Variants in CKAP2 observed in about 807,000 individuals in gnomAD.
CKAP2 encodes the protein cytoskeleton associated protein 2.
A neutral mutation model predicts 58.4 loss-of-function variants in CKAP2; 46 were observed. The observed-to-expected ratio is 0.79, with a 90% confidence interval of 0.62 to 1.01. The LOEUF is 1.01. CKAP2 is among the 50% of genes least tolerant of loss of function. CKAP2 has a pLI of 0.00. For synonymous variants in CKAP2, 293 were observed against 280.9 expected, an observed-to-expected ratio of 1.04 and a Z score of -0.43; for missense variants, 809 against 796.4, an observed-to-expected ratio of 1.02 and a Z score of -0.19.
chr13:52,455,727 C>T (rs1482140124), intron 1 of CKAP2, 101 bp downstream of exon 1: 4 of 1,265,610 alleles, frequency 3.2e-6, no homozygotes, highest in East Asian at 3.1e-5. Flanking sequence ...CTTCACCTCT[C>T]CCCCGCTCTG....
intron 7 of CKAP2, among the ~76,000 whole-genome samples, chr13:52,469,601 T>TTTA (rs1566104141): frequency 1.4e-5 from 2 of 147,108 alleles, no homozygotes; most frequent in African/African-American, 5.1e-5. Context: ...TTATTTATTT[T>TTTA]TTTTTTGAGA....
chr13:52,458,188 G>T (rs9536080), intron 2 of CKAP2, among the ~76,000 whole-genome samples: 3 of 152,086 alleles, frequency 2.0e-5, no homozygotes, highest in Non-Finnish European at 2.9e-5. Context: ...AATGAATGGT[G>T]ATAACCGTAT....
At chr13:52,465,542 A>G (rs1594139173) in intron 6 of CKAP2, 77 bp downstream of exon 6, 6 of 1,308,170 alleles carry the variant, frequency 4.6e-6, no homozygotes, top group Non-Finnish European at 6.5e-6. Context: ...ACATCACAAC[A>G]TAACTTGAGA....
chr13:52,473,064 T>A (rs979313001), intron 7 of CKAP2, among the ~76,000 whole-genome samples: 1 of 150,920 alleles, frequency 6.6e-6, no homozygotes, highest in African/African-American at 2.4e-5. Flanking sequence ...AAAAAAAAAA[T>A]GTTCTCAGAA....
At position 52,475,046 on chromosome 13, in the gene CKAP2, G is replaced by C. The variant is rs753291514; in HGVS notation, c.1954G>C (p.Glu652Gln). The change falls in exon 9 of 9, where the codon GAA becomes CAA. Residue 652 changes from glutamate (E) to glutamine (Q), a missense_variant. Glu to Gln is a conservative substitution (Grantham distance 29, BLOSUM62 2). Around this residue, in one of 3 missense-constraint regions of CKAP2, gnomAD observed 283 missense variants for 287.6 expected, o/e 0.98. Coordinates refer to ENST00000258607, the MANE Select transcript of CKAP2 (RefSeq NM_018204.5). ...TCATTATCCTTGTGTGTCTTCATTG[G>C]AACAGCTAACGGAGTTGGGAAGAGA... Reference protein sequence around the residue: ...KDHYPCVSSLEQLTELGRETD... With the variant: ...KDHYPCVSSLQQLTELGRETD... 1 of 1,614,196 alleles carries C rather than the reference G, an allele frequency of 6.2e-7. No homozygotes were observed. The highest frequency in any genetic ancestry group is 8.5e-7 in the Non-Finnish European group (1 of 1,180,026).
At position 52,475,238 on chromosome 13, in the gene CKAP2, T is replaced by G; in HGVS notation, c.*97T>G. 1 of 1,427,818 alleles carries G rather than the reference T, an allele frequency of 7.0e-7. No individual in the cohort carries two copies. The highest frequency in any genetic ancestry group is 9.5e-7 in the Non-Finnish European group (1 of 1,056,604). 88.4% of individuals were successfully genotyped at this position (1,427,818 alleles called of 1,614,324 possible). On this transcript the variant is annotated 3_prime_UTR_variant, in exon 9 of 9. Transcript: ENST00000258607. ...TTGCTCTTAGGTCTGGAGTTGGCCA[T>G]GTACCTATGTATCCTAAGCATTCAC...
In CKAP2 at chr13:52,461,336, C is replaced by T; in HGVS notation, c.510C>T (p.Pro170=). ...AACAAAAGCAAGATGCTAACATGCC[C>T]AAGAAACCTGTGCTTGGATCTTATC... The part of the protein sequence containing the change: ...TEKQKQDANM[P]KKPVLGSYRG... Residue 170 remains proline, a synonymous_variant, in exon 4 of 9, where the codon CCC becomes CCT. Coordinates refer to ENST00000258607, the MANE Select transcript of CKAP2 (RefSeq NM_018204.5). 1 of 1,614,156 alleles carries T rather than the reference C, an allele frequency of 6.2e-7. No homozygotes were observed. Among genetic ancestry groups the T allele is most frequent in the Non-Finnish European group, 8.5e-7 (1 of 1,180,034 alleles).
chr13:52,466,023 A>G (rs939639859), intron 6 of CKAP2, among the ~76,000 whole-genome samples: 5 of 151,552 alleles, frequency 3.3e-5, no homozygotes, highest in Admixed American at 6.6e-5. Flanking sequence ...ACACATATAT[A>G]CACATATACA....
intron 5 of CKAP2, 99 bp downstream of exon 5, chr13:52,462,666 T>A: frequency 1.1e-6 from 1 of 912,646 alleles, no homozygotes; most frequent in East Asian, 2.6e-5. Flanking sequence ...GACCAGGTGA[T>A]GTTGGTGATA....
intron 2 of CKAP2, among the ~76,000 whole-genome samples, chr13:52,460,042 A>G (rs1566097865): frequency 6.6e-6 from 1 of 151,970 alleles, no homozygotes; most frequent in Non-Finnish European, 1.5e-5. Flanking sequence ...ATTTTTTTGT[A>G]GAGATGGGGT....
At chr13:52,465,577 TAATA>T in intron 6 of CKAP2, 112 bp downstream of exon 6, 1 of 890,126 alleles carries the variant, frequency 1.1e-6, no homozygotes, top group Non-Finnish European at 1.8e-6. Flanking sequence ...TATGTAGTGG[TAATA>T]AATGTTTAAA....
intron 7 of CKAP2, among the ~76,000 whole-genome samples, chr13:52,472,084 T>G (rs1038790072): frequency 1.3e-5 from 2 of 152,220 alleles, no homozygotes; most frequent in Non-Finnish European, 2.9e-5. Context: ...TAATTTCTGC[T>G]TATCCTTTAG....
chr13:52,461,678 T>C lies in CKAP2; in HGVS notation c.852T>C (p.Pro284=), dbSNP rs1359633037. Residue 284 remains proline (P), a synonymous_variant, in exon 4 of 9, where the codon CCT becomes CCC. Coordinates refer to ENST00000258607, the MANE Select transcript of CKAP2 (RefSeq NM_018204.5). ...CCAATGTTACAATCCGGAAAGGGCC[T>C]CATGAAAAAGAACTATTACAATCAA... ...TSANVTIRKG[P]HEKELLQSKT... 1 of 1,614,062 alleles carries C rather than the reference T, an allele frequency of 6.2e-7. No homozygotes were observed. The highest frequency in any genetic ancestry group is 2.2e-5 in the East Asian group (1 of 44,890).
intron 7 of CKAP2, among the ~76,000 whole-genome samples, chr13:52,471,944 CCT>C (rs1297719160): frequency 1.3e-5 from 2 of 152,198 alleles, no homozygotes; most frequent in Non-Finnish European, 2.9e-5. Flanking sequence ...TGCATAAATT[CCT>C]GAGTCCAGCC....
chr13:52,462,584 T>A lies in CKAP2; in HGVS notation c.1305+17T>A, dbSNP rs777459978. On this transcript the variant is annotated intron_variant, in intron 5 of 8. Transcript: ENST00000258607. ...ATTAATGAGGTAGAGTCTTTATATTTGCTTAGCATTTTATAGTTTGCAAAT... is the reference window on the plus strand; with the variant it reads ...ATTAATGAGGTAGAGTCTTTATATTAGCTTAGCATTTTATAGTTTGCAAAT... The A allele has an allele frequency of 6.3e-6, 10 of 1,591,528 alleles. No homozygotes were observed. The highest frequency in any genetic ancestry group is 6.0e-6 in the Non-Finnish European group (7 of 1,168,602).
In CKAP2 at chr13:52,474,996, C is replaced by A. The variant is rs763183159; in HGVS notation, c.1904C>A (p.Ser635Tyr). ...RRSRRLQEKT[S>Y]KLPDMLKDHY... The stretch of plus-strand genomic sequence containing the variant: ...TCTCGACGTCTTCAAGAGAAAACTT[C>A]TAAATTGCCAGATATGTTAAAAGAT... Residue 635 changes from serine to tyrosine, a missense_variant, in exon 9 of 9, where the codon TCT (serine) becomes TAT (tyrosine). This residue lies in a region of CKAP2 where 283 missense variants were observed against 287.6 expected (regional missense o/e 0.98). Coordinates refer to ENST00000258607, the MANE Select transcript of CKAP2 (RefSeq NM_018204.5). The A allele has an allele frequency of 3.7e-6, 6 of 1,614,182 alleles. No individual in the cohort carries two copies. In the South Asian group the frequency reaches 4.4e-5, roughly 12 times the overall value.
rs114935106 is a variant in CKAP2 at position 52,457,045 on chromosome 13, T to C, written c.155+438T>C. Reference sequence around the variant, plus strand: ...ATACCTGGGACTGACTACAGGCAAGTGCCACCATTCCCTGCTAATTTTTGT... The same window carrying C: ...ATACCTGGGACTGACTACAGGCAAGCGCCACCATTCCCTGCTAATTTTTGT... On this transcript the variant is annotated intron_variant, in intron 2 of 8. Transcript: ENST00000258607. 7.4e-3 allele frequency among the ~76,000 whole-genome samples: 1,125 copies of C among 152,144 alleles called. 5 individuals carry two copies. Among genetic ancestry groups the C allele is most frequent in the African/African-American group, 0.017 (701 of 41,528 alleles).
Position 52,455,484 on chromosome 13 carries a change from T to C in CKAP2, c.-73T>C, listed in dbSNP as rs1958459477. 1 of 1,566,210 alleles carries C rather than the reference T, an allele frequency of 6.4e-7. No individual in the cohort carries two copies. Among genetic ancestry groups the C allele is most frequent in the Non-Finnish European group, 8.8e-7 (1 of 1,137,870 alleles). ...CTGACGGCTTAGCCGCGGTGCAGACTGCGGCGGCGGTGGTCTGAGGAAGTT... is the reference window on the plus strand; with the variant it reads ...CTGACGGCTTAGCCGCGGTGCAGACCGCGGCGGCGGTGGTCTGAGGAAGTT... On this transcript the variant is annotated 5_prime_UTR_variant, in exon 1 of 9. Coordinates refer to ENST00000258607, the MANE Select transcript of CKAP2 (RefSeq NM_018204.5).
chr13:52,455,479 C>A lies in CKAP2; in HGVS notation c.-78C>A. On this transcript the variant is annotated 5_prime_UTR_variant, in exon 1 of 9. Coordinates refer to ENST00000258607, the MANE Select transcript of CKAP2 (RefSeq NM_018204.5). ...GCCGTCTGACGGCTTAGCCGCGGTG[C>A]AGACTGCGGCGGCGGTGGTCTGAGG... 6.5e-7 allele frequency: 1 copy of A among 1,548,264 alleles called. No homozygotes were observed. The highest frequency in any genetic ancestry group is 2.3e-5 in the East Asian group (1 of 44,366).
Sources: gnomAD v4.1 joint callset for allele counts (sites outside exome capture counted in the v4.1 genomes callset) on GRCh38, gnomAD v4.1.1 for gene constraint, gnomAD v4.1.1 regional missense constraint, MANE v1.5 for transcripts, NCBI Gene and HGNC (gene_info 2026-07-23, HGNC 2026-07-21) for gene names.